Variants in LCOR observed in about 807,000 individuals in gnomAD.
LCOR encodes the protein ligand dependent nuclear receptor corepressor.
A neutral mutation model predicts 64.4 loss-of-function variants in LCOR; 14 were observed. The observed-to-expected ratio is 0.22, with a 90% CI of 0.14 to 0.34. The LOEUF (loss-of-function observed/expected upper bound fraction) is 0.34, where lower values mean the gene tolerates loss of function less well. LCOR is among the 10% of genes least tolerant of loss of function. The probability of loss-of-function intolerance (pLI) is 1.00; values close to 1 mark genes in which losing one functional copy is unlikely to be tolerated. For missense variants in LCOR, 1,686 were observed against 1,765.3 expected (o/e 0.96, Z 0.80); for synonymous variants, 643 against 642.5 (o/e 1.00, Z -0.01).
chr10:96,926,390 A>G (rs1430044061), intron 4 of LCOR, among the ~76,000 whole-genome samples: 4 of 152,222 alleles, frequency 2.6e-5, no homozygotes, highest in African/African-American at 7.2e-5. Flanking sequence ...GGGGAAAGAT[A>G]GTCAAGTGAA....
intron 7 of LCOR, among the ~76,000 whole-genome samples, chr10:96,953,932 CAT>C (rs1003010884): frequency 1.3e-5 from 2 of 152,200 alleles, no homozygotes; most frequent in Non-Finnish European, 2.9e-5. Flanking sequence ...TGTTTTGCCA[CAT>C]GTCAGTCTTA....
chr10:96,906,741 A>G (rs1001565569), intron 2 of LCOR, among the ~76,000 whole-genome samples: 1 of 152,172 alleles, frequency 6.6e-6, no homozygotes, highest in African/African-American at 2.4e-5. Context: ...AATACTTACA[A>G]AAGTCTTTTA....
At chr10:96,942,634 C>T (rs183570546) in intron 4 of LCOR, among the ~76,000 whole-genome samples, 21 of 152,190 alleles carry the variant, frequency 1.4e-4, no homozygotes, top group Non-Finnish European at 2.5e-4. Flanking sequence ...AATATATAAT[C>T]CATGCTAAAT....
intron 2 of LCOR, among the ~76,000 whole-genome samples, chr10:96,854,837 T>G (rs2134383256): frequency 6.6e-6 from 1 of 152,330 alleles, no homozygotes; most frequent in South Asian, 2.1e-4. Flanking sequence ...TTCATATGAT[T>G]GTAATCATTT....
Position 96,980,935 on chromosome 10 carries a change from G to A in LCOR, c.475G>A (p.Gly159Ser). 1.4e-6 allele frequency: 1 copy of A among 703,024 alleles called. No homozygotes were observed. The highest frequency in any genetic ancestry group is 2.0e-5 in the Admixed American group (1 of 50,012). The allele number at this position is 703,024 out of a possible 1,614,324, so 43.5% of individuals were successfully genotyped here. Residue 159 changes from glycine to serine, a missense_variant, in exon 8 of 8, where the codon GGC becomes AGC. By Grantham distance (56) the Gly-to-Ser change is moderately conservative (BLOSUM62 0). This residue lies in a region of LCOR where 313 missense variants were observed against 247.2 expected (regional missense o/e 1.27). Transcript: ENST00000421806. ...LNDLYTESQP[G>S]TEDLQPSDSG... ...CGACCTGTACACTGAATCTCAACCAGGCACTGAGGACCTGCAGCCTTCTGA... is the reference window on the plus strand; with the variant it reads ...CGACCTGTACACTGAATCTCAACCAAGCACTGAGGACCTGCAGCCTTCTGA...
At chr10:96,978,499 A>G (rs1168424287) in intron 7 of LCOR, among the ~76,000 whole-genome samples, 1 of 152,150 alleles carries the variant, frequency 6.6e-6, no homozygotes, top group Non-Finnish European at 1.5e-5. Flanking sequence ...GTACTTGTGT[A>G]CCTTTTGTAA....
chr10:96,965,661 C>CA (rs755222216), intron 7 of LCOR, among the ~76,000 whole-genome samples: 1,637 of 64,338 alleles, frequency 0.025, 38 homozygotes, highest in African/African-American at 0.033. Flanking sequence ...GACTCTGTCT[C>CA]AAAAAAAAAA....
intron 4 of LCOR, among the ~76,000 whole-genome samples, chr10:96,921,283 G>A (rs955485318): frequency 8.6e-5 from 13 of 151,854 alleles, no homozygotes; most frequent in African/African-American, 3.1e-4. Context: ...TTTGTTGTCT[G>A]TTCTTTTGGA....
intron 2 of LCOR, among the ~76,000 whole-genome samples, chr10:96,875,127 G>A (rs1301731915): frequency 1.3e-5 from 2 of 151,410 alleles, no homozygotes; most frequent in African/African-American, 4.9e-5. Flanking sequence ...GCTCACACCT[G>A]TAATCCCAGA....
In LCOR at chr10:96,992,402, A is replaced by C. The variant is rs1306474396; in HGVS notation, c.*7268A>C. The C allele has an allele frequency of 6.6e-6, 1 of 152,260 alleles. No homozygotes were observed. Among genetic ancestry groups the C allele is most frequent in the Non-Finnish European group, 1.5e-5 (1 of 68,040 alleles). 9.4% of individuals were successfully genotyped at this position (152,260 alleles called of 1,614,324 possible). On this transcript the variant is annotated 3_prime_UTR_variant, in exon 8 of 8. Transcript: ENST00000421806. Reference sequence around the variant, plus strand: ...TTCTAGCCACCCATCCTCCCCAGCTACCATGCTCAACCATTGAGCCCCCAA... The same window carrying C: ...TTCTAGCCACCCATCCTCCCCAGCTCCCATGCTCAACCATTGAGCCCCCAA...
At chr10:96,966,703 C>T (rs935196442) in intron 7 of LCOR, among the ~76,000 whole-genome samples, 2 of 152,130 alleles carry the variant, frequency 1.3e-5, no homozygotes, top group Admixed American at 6.5e-5. Context: ...AGCATTTTAA[C>T]ACAGAATTTT....
chr10:96,972,798 A>AT (rs1739581939), intron 7 of LCOR, among the ~76,000 whole-genome samples: 1 of 151,974 alleles, frequency 6.6e-6, no homozygotes, highest in Admixed American at 6.6e-5. Flanking sequence ...TGAAACACCT[A>AT]TTTTTCCCCC....
chr10:96,838,782 C>G (rs1436221142), intron 2 of LCOR, among the ~76,000 whole-genome samples: 2 of 152,174 alleles, frequency 1.3e-5, no homozygotes, highest in Non-Finnish European at 2.9e-5. Context: ...TGATGCTTCT[C>G]TGAATATTTG....
intron 2 of LCOR, among the ~76,000 whole-genome samples, chr10:96,902,389 G>C (rs961603459): frequency 2.0e-5 from 3 of 152,122 alleles, no homozygotes; most frequent in African/African-American, 7.2e-5. Context: ...CAGGAGGAGA[G>C]GAAGAATTAT....
chr10:96,884,402 G>C (rs1466130869), intron 2 of LCOR, among the ~76,000 whole-genome samples: 1 of 152,182 alleles, frequency 6.6e-6, no homozygotes, highest in Non-Finnish European at 1.5e-5. Flanking sequence ...TTCTTTTGCA[G>C]GGCATAAGCA....
chr10:96,852,930 A>G, intron 2 of LCOR, among the ~76,000 whole-genome samples: 1 of 152,194 alleles, frequency 6.6e-6, no homozygotes, highest in Non-Finnish European at 1.5e-5. Context: ...ACATTTTAAA[A>G]CATCTAAACT....
intron 2 of LCOR, among the ~76,000 whole-genome samples, chr10:96,890,765 C>G (rs1846425601): frequency 6.6e-6 from 1 of 152,164 alleles, no homozygotes; most frequent in Non-Finnish European, 1.5e-5. Context: ...AGGTGTTGGA[C>G]TTTGTCCAGT....
chr10:96,951,659 G>A (rs1177151243), intron 6 of LCOR, among the ~76,000 whole-genome samples: 2 of 151,964 alleles, frequency 1.3e-5, no homozygotes, highest in East Asian at 3.8e-4. Context: ...GAATTTGTAT[G>A]TACTTTTGGA....
At chr10:96,897,394 A>C (rs1292464527) in intron 2 of LCOR, among the ~76,000 whole-genome samples, 1 of 152,176 alleles carries the variant, frequency 6.6e-6, no homozygotes, top group Non-Finnish European at 1.5e-5. Flanking sequence ...AACTGATGTA[A>C]TTGACTCATT....
Sources: allele counts gnomAD v4.1 joint callset (sites outside exome capture counted in the v4.1 genomes callset), GRCh38; gene constraint gnomAD v4.1.1; regional missense constraint gnomAD v4.1.1; transcripts MANE v1.5; gene names NCBI Gene and HGNC (gene_info 2026-07-23, HGNC 2026-07-21).